The following CIT variants were observed in gnomAD, a reference collection of about 807,000 sequenced individuals.
CIT encodes the protein citron Rho-interacting kinase.
CIT carries 79 observed loss-of-function variants against 272.7 expected under a neutral mutation model. The observed-to-expected ratio is 0.29, with a 90% confidence interval of 0.24 to 0.35. The LOEUF (loss-of-function observed/expected upper bound fraction) is 0.35, where lower values mean the gene tolerates loss of function less well. CIT is among the 10% of genes least tolerant of loss of function. The probability of loss-of-function intolerance (pLI) is 1.00; values close to 1 mark genes in which losing one functional copy is unlikely to be tolerated. For synonymous variants in CIT, 948 were observed against 995.6 expected, an observed-to-expected ratio of 0.95 and a Z score of 0.90; for missense variants, 1,909 against 2,618.3, an observed-to-expected ratio of 0.73 and a Z score of 5.91.
chr12:119,732,599 A>G (rs1440025909), intron 26 of CIT, among the ~76,000 whole-genome samples: 1 of 152,154 alleles, frequency 6.6e-6, no homozygotes, highest in African/African-American at 2.4e-5. Context: ...TATTTCTACC[A>G]TTTCTTTTGA....
intron 3 of CIT, among the ~76,000 whole-genome samples, chr12:119,860,646 G>A (rs1172594708): frequency 2.0e-5 from 3 of 151,988 alleles, no homozygotes; most frequent in Non-Finnish European, 4.4e-5. Flanking sequence ...TGTCAGTGGC[G>A]ACCACCAGCT....
At chr12:119,869,764 G>T (rs1457473345) in intron 2 of CIT, among the ~76,000 whole-genome samples, 1 of 152,120 alleles carries the variant, frequency 6.6e-6, no homozygotes, top group Admixed American at 6.5e-5. Flanking sequence ...AAGATAATTT[G>T]AATTATCTGC....
In CIT at chr12:119,803,241, C is replaced by G. The variant is rs1339558213; in HGVS notation, c.1260G>C (p.Ser420=). ...CAAGAATCCCCAGTGCCTTGCTGTA[C>G]GAAAACCCCACAAACGGCAGTTCTT... ...SGEELPFVGF[S]YSKALGILGR... Residue 420 remains serine, a synonymous_variant, in exon 10 of 48, where the codon TCG becomes TCC. Transcript: ENST00000392521. 3 of 1,595,364 alleles carry G rather than the reference C, an allele frequency of 1.9e-6. No homozygotes were observed. The Admixed American group carries it at 5.3e-5, about 28-fold the overall frequency.
At chr12:119,854,769 T>C (rs1970474965) in intron 4 of CIT, among the ~76,000 whole-genome samples, 1 of 151,072 alleles carries the variant, frequency 6.6e-6, no homozygotes, top group African/African-American at 2.4e-5. Context: ...ACCAACATGG[T>C]GAAACCCCCC....
In CIT at chr12:119,687,924, G is replaced by C. The variant is rs989056873; in HGVS notation, c.*308C>G. The C allele has an allele frequency of 2.9e-6, 1 of 345,420 alleles. No individual in the cohort carries two copies. The highest frequency in any genetic ancestry group is 5.2e-6 in the Non-Finnish European group (1 of 192,338). The allele number at this position is 345,420 out of a possible 1,614,324, so 21.4% of individuals were successfully genotyped here. ...GTTAGCATCCCGGTTGGTTTCCTTT[G>C]ATGAACTAACTGGTACAGGCTAGAG... On this transcript the variant is annotated 3_prime_UTR_variant, in exon 48 of 48. Coordinates refer to ENST00000392521, the MANE Select transcript of CIT (RefSeq NM_001206999.2).
chr12:119,774,558 ATG>A lies in CIT; in HGVS notation c.1941+1226_1941+1227del, dbSNP rs3999585. On this transcript the variant is annotated intron_variant, in intron 16 of 47. Coordinates refer to ENST00000392521, the MANE Select transcript of CIT (RefSeq NM_001206999.2). ...TTGACTTAATCATTTCACAATGTAT[ATG>A]TGTGTGTGTGTGTGTGTGTGTGTGT... is the stretch of plus-strand genomic sequence containing the variant. Among the ~76,000 whole-genome samples the A allele has an allele frequency of 3.2e-3, 486 of 150,516 alleles. 1 individual carries two copies. Among genetic ancestry groups the A allele is most frequent in the African/African-American group, 8.4e-3 (344 of 41,170 alleles).
intron 3 of CIT, among the ~76,000 whole-genome samples, chr12:119,863,724 G>A (rs893814734): frequency 6.6e-6 from 1 of 151,452 alleles, no homozygotes; most frequent in Non-Finnish European, 1.5e-5. Context: ...AGACGGGGGG[G>A]TTTCACCATG....
intron 22 of CIT, among the ~76,000 whole-genome samples, chr12:119,753,866 T>A (rs777930946): frequency 6.6e-6 from 1 of 152,076 alleles, no homozygotes. Context: ...AGAAATTCAG[T>A]CTTAACATGT....
Position 119,714,635 on chromosome 12 carries a change from C to T in CIT, c.4169-301G>A, listed in dbSNP as rs76024602. 0.028 allele frequency among the ~76,000 whole-genome samples: 4,233 copies of T among 152,166 alleles called. 77 individuals are homozygous for T. The highest frequency in any genetic ancestry group is 0.045 in the African/African-American group (1,886 of 41,510). ...TGTGAATCAAAACCCCAAGCAGACA[C>T]CACTTCACAACCACTAGGATGTCTA... On this transcript the variant is annotated intron_variant, in intron 32 of 47. Transcript: ENST00000392521.
chr12:119,753,841 C>A (rs1270620397), intron 22 of CIT, among the ~76,000 whole-genome samples: 1 of 152,128 alleles, frequency 6.6e-6, no homozygotes, highest in Non-Finnish European at 1.5e-5. Flanking sequence ...AAGGGCCAGT[C>A]TGAGGCAAAA....
rs1175090746 is a variant in CIT, at chr12:119,768,413, CT to C, written c.2209-1232del. Among the ~76,000 whole-genome samples the C allele has an allele frequency of 6.6e-6, 1 of 152,184 alleles. No individual in the cohort carries two copies. The highest frequency in any genetic ancestry group is 6.5e-5 in the Admixed American group (1 of 15,280). ...TCAAGTCATTACTCCAAGTTTTCAA[CT>C]CTTTATACTATTATGAAATTTTTCT... is the stretch of plus-strand genomic sequence containing the variant. On this transcript the variant is annotated intron_variant, in intron 18 of 47. Coordinates refer to ENST00000392521, the MANE Select transcript of CIT (RefSeq NM_001206999.2). The surrounding 1 kb of genome is among the most constrained non-coding windows in gnomAD (Gnocchi z 4.3).
intron 40 of CIT, among the ~76,000 whole-genome samples, chr12:119,705,496 T>C (rs1328616528): frequency 2.6e-5 from 4 of 152,182 alleles, no homozygotes; most frequent in African/African-American, 4.8e-5. Flanking sequence ...TTTCTTGGAC[T>C]GGGTAGTGAG....
intron 3 of CIT, among the ~76,000 whole-genome samples, chr12:119,857,996 T>C (rs1593976769): frequency 1.3e-5 from 2 of 152,222 alleles, no homozygotes; most frequent in East Asian, 3.8e-4. Context: ...CTTCTTCCTC[T>C]CTGAAGGCTG....
chr12:119,868,814 A>G (rs974322565), intron 3 of CIT, among the ~76,000 whole-genome samples: 6 of 152,192 alleles, frequency 3.9e-5, no homozygotes, highest in Non-Finnish European at 1.5e-5. Context: ...CTGAGATTAT[A>G]GGTATGAGCC....
At chr12:119,825,110 A>T (rs1968056228) in intron 8 of CIT, 55 bp downstream of exon 8, 13 of 1,536,134 alleles carry the variant, frequency 8.5e-6, no homozygotes, top group Non-Finnish European at 1.2e-5. Flanking sequence ...TCATTCGCAC[A>T]ATTTTTAAAT....
At chr12:119,872,926 A>T (rs1410866430) in intron 2 of CIT, among the ~76,000 whole-genome samples, 1 of 152,136 alleles carries the variant, frequency 6.6e-6, no homozygotes, top group East Asian at 1.9e-4. Flanking sequence ...CCTCCTGAGT[A>T]GCTGGGACTA....
chr12:119,750,753 A>T (rs1272417129), intron 23 of CIT, among the ~76,000 whole-genome samples: 1 of 38,394 alleles, frequency 2.6e-5, no homozygotes, highest in Admixed American at 2.9e-4. Flanking sequence ...ATAGATATAG[A>T]TAGATAGATA....
intron 13 of CIT, among the ~76,000 whole-genome samples, chr12:119,777,762 A>G (rs988807282): frequency 2.6e-5 from 4 of 152,158 alleles, no homozygotes; most frequent in Non-Finnish European, 4.4e-5. Flanking sequence ...ATCACACCAT[A>G]CGAAATGCAC....
chr12:119,783,780 G>T, intron 12 of CIT, 128 bp downstream of exon 12: 1 of 1,189,876 alleles, frequency 8.4e-7, no homozygotes. Context: ...TCTTGCTTTT[G>T]TGCTCTCCCT....
Sources: gnomAD v4.1 joint callset for allele counts (sites outside exome capture counted in the v4.1 genomes callset) on GRCh38, gnomAD v4.1.1 for gene constraint, Gnocchi (gnomAD v3.1) non-coding constraint, MANE v1.5 for transcripts, NCBI Gene and HGNC (gene_info 2026-07-23, HGNC 2026-07-21) for gene names.